Variants in TPCN2 observed in about 807,000 individuals in gnomAD.
TPCN2 encodes two pore segment channel 2.
In TPCN2, 92 loss-of-function variants were observed where a neutral mutation model predicts 111.4. That is an observed-to-expected ratio of 0.83 (90% confidence interval 0.70 to 0.98). TPCN2 has a LOEUF of 0.98. Ranked by LOEUF, TPCN2 falls within the 50% of genes least tolerant of loss-of-function variation. TPCN2 has a pLI of 0.00. For missense variants in TPCN2, 995 were observed against 980.1 expected (o/e 1.02, Z -0.20); for synonymous variants, 405 against 414.5 (o/e 0.98, Z 0.28).
intron 18 of TPCN2, among the ~76,000 whole-genome samples, chr11:69,082,373 T>C (rs1209564007): frequency 6.6e-6 from 1 of 152,228 alleles, no homozygotes; most frequent in Non-Finnish European, 1.5e-5. Context: ...GTCACACATA[T>C]ACAATCATGT....
intron 24 of TPCN2, among the ~76,000 whole-genome samples, 154 bp downstream of exon 24, chr11:69,087,360 C>T (rs1856328906): frequency 6.6e-6 from 1 of 152,194 alleles, no homozygotes; most frequent in African/African-American, 2.4e-5. Flanking sequence ...AGGAGAGCAG[C>T]TCAGAGCCGG....
chr11:69,057,713 C>T lies in TPCN2; in HGVS notation c.546+19C>T, dbSNP rs1295236920. ...TCATGAGGTAGGTGGTGAGGCAGCC[C>T]TGAGACAGATGGAGAGATCTGGGGC... On this transcript the variant is annotated intron_variant, in intron 5 of 24. Coordinates refer to ENST00000294309, the MANE Select transcript of TPCN2 (RefSeq NM_139075.4). The T allele has an allele frequency of 1.2e-6, 2 of 1,609,566 alleles. No homozygotes were observed. Among genetic ancestry groups the T allele is most frequent in the Admixed American group, 3.3e-5 (2 of 60,018 alleles).
chr11:69,081,680 C>T (rs1027494393), intron 18 of TPCN2, among the ~76,000 whole-genome samples, 181 bp downstream of exon 18: 8 of 152,154 alleles, frequency 5.3e-5, no homozygotes, highest in African/African-American at 1.9e-4. Context: ...TCATTAGAAG[C>T]AGGAGAGCCC....
At chr11:69,062,285 C>T (rs147527317) in intron 5 of TPCN2, among the ~76,000 whole-genome samples, 9 of 152,242 alleles carry the variant, frequency 5.9e-5, no homozygotes, top group Non-Finnish European at 1.0e-4. Context: ...GCTTCCAACA[C>T]GGGGAGTCAG....
chr11:69,050,271 G>GA (rs934438824), intron 1 of TPCN2, among the ~76,000 whole-genome samples: 2 of 152,352 alleles, frequency 1.3e-5, no homozygotes, highest in African/African-American at 4.8e-5. Flanking sequence ...CCCTTGATGA[G>GA]ACGCCCAGCA....
intron 13 of TPCN2, among the ~76,000 whole-genome samples, chr11:69,074,185 A>C (rs1039022359): frequency 6.6e-5 from 10 of 152,136 alleles, no homozygotes; most frequent in African/African-American, 2.2e-4. Context: ...TTCTCTAAAA[A>C]ACATTGTTTT....
At position 69,089,915 on chromosome 11, in the gene TPCN2, TG is replaced by T. The variant is rs1330288797; in HGVS notation, c.*1963del. On this transcript the variant is annotated 3_prime_UTR_variant, in exon 25 of 25. Transcript: ENST00000294309. Reference sequence around the variant, plus strand: ...TGGGAGCCCCTTCTTCTGCCTTTTGTGTTTTTTTTGTTATGTACCTACAGTT... The same window carrying T: ...TGGGAGCCCCTTCTTCTGCCTTTTGTTTTTTTTTGTTATGTACCTACAGTT... The T allele has an allele frequency of 8.3e-6, 1 of 121,158 alleles. No homozygotes were observed. Among genetic ancestry groups the T allele is most frequent in the African/African-American group, 2.8e-5 (1 of 35,616 alleles). The allele number at this position is 121,158 out of a possible 1,614,324, so 7.5% of individuals were successfully genotyped here. A position where few individuals can be genotyped will look rare whatever the true frequency, so the allele number is the denominator to read the frequency against.
rs751121034 is a variant in TPCN2 at position 69,078,934 on chromosome 11, C to G, written c.1453C>G (p.Leu485Val). The part of the protein sequence containing the change: ...VFIVYYLLEM[L>V]LKVFALGLRG... ...CATTGTGTACTACCTGTTGGAGATG[C>G]TGCTCAAGGTCTTTGCCCTGGGCCT... Residue 485 changes from leucine to valine, a missense_variant, in exon 16 of 25, where the codon CTG becomes GTG. By Grantham distance (32) the Leu-to-Val change is conservative. Transcript: ENST00000294309. 3.1e-6 allele frequency: 5 copies of G among 1,613,990 alleles called. No individual in the cohort carries two copies. Among genetic ancestry groups the G allele is most frequent in the Non-Finnish European group, 4.2e-6 (5 of 1,179,998 alleles).
At chr11:69,080,298 A>C (rs1399746457) in intron 17 of TPCN2, among the ~76,000 whole-genome samples, 1 of 152,228 alleles carries the variant, frequency 6.6e-6, no homozygotes, top group African/African-American at 2.4e-5. Flanking sequence ...CCTGCCTCAC[A>C]GTGTGACCTT....
At chr11:69,081,608 A>T in intron 18 of TPCN2, 109 bp downstream of exon 18, 1 of 700,266 alleles carries the variant, frequency 1.4e-6, no homozygotes, top group Non-Finnish European at 2.3e-6. Flanking sequence ...TGTGCCCGTC[A>T]CCCTGGGCTC....
chr11:69,079,792 A>G (rs370224271), intron 16 of TPCN2, 42 bp from the exon 17 acceptor site: 1 of 1,587,132 alleles, frequency 6.3e-7, no homozygotes, highest in Non-Finnish European at 8.6e-7. Context: ...CGCCCAGATT[A>G]GTGTTGCTGT....
chr11:69,087,189 T>C lies in TPCN2; in HGVS notation c.2163T>C (p.Thr721=), dbSNP rs758216208. ...CCCCAGAGGCCACCTACCAGATGACTGTGGAGCTCCTGTTCAGGTGTGTGG... is the reference window on the plus strand; with the variant it reads ...CCCCAGAGGCCACCTACCAGATGACCGTGGAGCTCCTGTTCAGGTGTGTGG... ...AGTPEATYQM[T]VELLFRDILE... The change falls in exon 24 of 25, where the codon ACT becomes ACC. Residue 721 remains threonine (T), a synonymous_variant. Coordinates refer to ENST00000294309, the MANE Select transcript of TPCN2 (RefSeq NM_139075.4). 6.2e-7 allele frequency: 1 copy of C among 1,613,758 alleles called. No homozygotes were observed. Among genetic ancestry groups the C allele is most frequent in the Non-Finnish European group, 8.5e-7 (1 of 1,179,798 alleles).
intron 17 of TPCN2, 74 bp from the exon 18 acceptor site, chr11:69,081,326 C>T (rs981606645): frequency 3.2e-5 from 32 of 1,010,270 alleles, no homozygotes; most frequent in South Asian, 8.9e-5. Context: ...CGTCCAGGAA[C>T]CCGCGCGTTT....
rs1861116610 is a variant in TPCN2 at position 69,049,470 on chromosome 11, C to T, written c.109+364C>T. On this transcript the variant is annotated intron_variant, in intron 1 of 24. Transcript: ENST00000294309. ...AGACCCCATACTTCCCGACTGTCGC[C>T]GTAATGAGGGTCGCCTAATTGACTC... Among the ~76,000 whole-genome samples the T allele has an allele frequency of 2.0e-5, 3 of 152,210 alleles. No individual in the cohort carries two copies. In the South Asian group the frequency reaches 6.2e-4, roughly 31 times the overall value.
rs1354108433 is a variant in TPCN2 at position 69,054,574 on chromosome 11, G to A, written c.175-147G>A. 15 of 730,384 alleles carry A rather than the reference G, an allele frequency of 2.1e-5. No homozygotes were observed. The East Asian group carries it at 3.0e-4, about 15-fold the overall frequency. The allele number at this position is 730,384 out of a possible 1,614,324, so 45.2% of individuals were successfully genotyped here. On this transcript the variant is annotated intron_variant, in intron 2 of 24. Transcript: ENST00000294309. ...GTTTGTGATGGTGTGGGCCTGATGG[G>A]TCAGGGCTGGCCATGTCCACACGCT... is the stretch of plus-strand genomic sequence containing the variant.
intron 6 of TPCN2, among the ~76,000 whole-genome samples, chr11:69,063,345 C>T (rs544255164): frequency 3.9e-5 from 6 of 152,122 alleles, no homozygotes; most frequent in East Asian, 3.9e-4. Flanking sequence ...CTCATGGTGT[C>T]GGCACGCTGC....
Position 69,088,444 on chromosome 11 carries a change from G to A in TPCN2, c.*491G>A, listed in dbSNP as rs1856360696. 6.4e-6 allele frequency: 1 copy of A among 157,462 alleles called. No individual in the cohort carries two copies. Among genetic ancestry groups the A allele is most frequent in the Non-Finnish European group, 1.4e-5 (1 of 71,072 alleles). The allele number at this position is 157,462 out of a possible 1,614,324, so 9.8% of individuals were successfully genotyped here. ...TTCATGGCTTGTATGAGTGTGACTG[G>A]GTGTGTTTCTTTAGGGTTCTGATTG... On this transcript the variant is annotated 3_prime_UTR_variant, in exon 25 of 25. Transcript: ENST00000294309.
chr11:69,081,620 C>T (rs1402556542), intron 18 of TPCN2, 121 bp downstream of exon 18: 2 of 632,300 alleles, frequency 3.2e-6, no homozygotes, highest in African/African-American at 3.6e-5. Flanking sequence ...CCTGGGCTCC[C>T]TGGCTGCACC....
intron 13 of TPCN2, among the ~76,000 whole-genome samples, 166 bp from the exon 14 acceptor site, chr11:69,078,316 A>T (rs1404207050): frequency 6.6e-6 from 1 of 152,164 alleles, no homozygotes; most frequent in Non-Finnish European, 1.5e-5. Context: ...ACCTTTGTGT[A>T]TAAAGCGATT....
Sources: allele counts gnomAD v4.1 joint callset (sites outside exome capture counted in the v4.1 genomes callset), GRCh38; gene constraint gnomAD v4.1.1; transcripts MANE v1.5; gene names NCBI Gene and HGNC (gene_info 2026-07-23, HGNC 2026-07-21).